Variants in MFSD11 observed in about 807,000 individuals in gnomAD.
MFSD11 encodes major facilitator superfamily domain containing 11.
Under a neutral mutation model 53.5 loss-of-function variants are expected in MFSD11, and 36 were observed. The ratio of observed to expected loss-of-function variants is 0.67; its 90% CI spans 0.52 to 0.89. The LOEUF (loss-of-function observed/expected upper bound fraction) is 0.89. Ranked by LOEUF, MFSD11 falls within the 40% of genes least tolerant of loss-of-function variation. The probability of loss-of-function intolerance (pLI) is 0.00; values close to 1 mark genes in which losing one functional copy is unlikely to be tolerated. For missense variants in MFSD11, 530 were observed against 543.9 expected, an observed-to-expected ratio of 0.97 and a Z score of 0.25; for synonymous variants, 186 against 184.9, an observed-to-expected ratio of 1.01 and a Z score of -0.05.
At chr17:76,803,568 G>C in the MFSD11 span, among the ~76,000 whole-genome samples, 1 of 151,952 alleles carries the variant, frequency 6.6e-6, no homozygotes, top group Non-Finnish European at 1.5e-5. Context: ...GGATCATCTG[G>C]CACCACCCAG....
At chr17:76,803,246 A>G in the MFSD11 span, among the ~76,000 whole-genome samples, 1 of 152,188 alleles carries the variant, frequency 6.6e-6, no homozygotes, top group Non-Finnish European at 1.5e-5. Context: ...GAGACAGTGA[A>G]AGAGATCTGA....
At chr17:76,745,708 C>G (rs1427976415) in intron 7 of MFSD11, among the ~76,000 whole-genome samples, 2 of 152,172 alleles carry the variant, frequency 1.3e-5, no homozygotes, top group Non-Finnish European at 2.9e-5. Context: ...TCCCTCTTCT[C>G]CTGAGACACA....
the MFSD11 span, among the ~76,000 whole-genome samples, chr17:76,795,598 G>A: frequency 1.3e-5 from 2 of 152,056 alleles, no homozygotes; most frequent in South Asian, 4.1e-4. Context: ...GGTATCTGAG[G>A]GATGACTGGG....
At chr17:76,769,957 C>T in intron 10 of MFSD11, 86 bp downstream of exon 10, 3 of 1,245,710 alleles carry the variant, frequency 2.4e-6, no homozygotes, top group South Asian at 2.9e-5. Context: ...CACCTTTGTC[C>T]TTGAATTTCT....
rs781229253 is a variant in MFSD11, at chr17:76,738,962, A to G, written c.121A>G (p.Arg41Gly). ...GCAAACTGTCATCAGGAGCTTAAAT[A>G]GGACAGATTTTCACGGCAGTGGATA... is the stretch of plus-strand genomic sequence containing the variant. ...VAQTVIRSLN[R>G]TDFHGSGYTS... The change falls in exon 2 of 13, where the codon AGG becomes GGG. Residue 41 changes from arginine (R) to glycine (G), a missense_variant. Coordinates refer to ENST00000685175, the MANE Select transcript of MFSD11 (RefSeq NM_001242532.5). 7 of 1,614,018 alleles carry G rather than the reference A, an allele frequency of 4.3e-6. No individual in the cohort carries two copies. The highest frequency in any genetic ancestry group is 5.9e-6 in the Non-Finnish European group (7 of 1,179,966).
chr17:76,743,625 T>C (rs149362312), intron 6 of MFSD11, among the ~76,000 whole-genome samples, 169 bp downstream of exon 6: 383 of 152,258 alleles, frequency 2.5e-3, no homozygotes, highest in Non-Finnish European at 3.0e-3. Flanking sequence ...ATATTATTAT[T>C]ATTATTTTGA....
At chr17:76,787,399 A>G in the MFSD11 span, among the ~76,000 whole-genome samples, 1 of 149,920 alleles carries the variant, frequency 6.7e-6, no homozygotes, top group Admixed American at 6.6e-5. Context: ...GGCCTCCCAA[A>G]GTGCTGGGAT....
the MFSD11 span, chr17:76,799,545 G>T: frequency 6.6e-6 from 1 of 151,860 alleles, no homozygotes; most frequent in Admixed American, 6.6e-5. Flanking sequence ...GGGATTACAG[G>T]TATGTGTCAC....
At chr17:76,759,891 G>A (rs2080042315) in intron 8 of MFSD11, among the ~76,000 whole-genome samples, 1 of 149,548 alleles carries the variant, frequency 6.7e-6, no homozygotes, top group Non-Finnish European at 1.5e-5. Flanking sequence ...TGGGATTACA[G>A]GCATAAGCCA....
intron 7 of MFSD11, among the ~76,000 whole-genome samples, chr17:76,750,929 A>G (rs971887682): frequency 6.7e-5 from 10 of 149,748 alleles, no homozygotes; most frequent in Non-Finnish European, 1.3e-4. Context: ...TCGGCCTCCC[A>G]AGTAGCTGGG....
upstream of MFSD11, chr17:76,737,005 C>T (rs770956483): frequency 1.2e-6 from 2 of 1,613,472 alleles, no homozygotes; most frequent in Admixed American, 3.3e-5. Context: ...CGCGGGACTC[C>T]TTGGTGTAGC....
At chr17:76,768,532 GT>G (rs2081080654) in intron 9 of MFSD11, among the ~76,000 whole-genome samples, 1 of 152,028 alleles carries the variant, frequency 6.6e-6, no homozygotes, top group Non-Finnish European at 1.5e-5. Flanking sequence ...CACAGTTAAG[GT>G]TTTGTAGCAT....
At chr17:76,739,495 T>C (rs948558367) in intron 2 of MFSD11, among the ~76,000 whole-genome samples, 1 of 152,192 alleles carries the variant, frequency 6.6e-6, no homozygotes, top group African/African-American at 2.4e-5. Context: ...CCTTCACAAG[T>C]CACTAGAACC....
chr17:76,738,268 A>T lies in MFSD11; in HGVS notation c.-85A>T, dbSNP rs748331121. 1.1e-6 allele frequency: 1 copy of T among 873,902 alleles called. No homozygotes were observed. The highest frequency in any genetic ancestry group is 1.9e-6 in the Non-Finnish European group (1 of 531,454). 54.1% of individuals were successfully genotyped at this position (873,902 alleles called of 1,614,324 possible). ...ATCTGCCTTCTCCACTCACCATCTC[A>T]TTTCTTTCTCCAGGATTGTCAGTGG... is the stretch of plus-strand genomic sequence containing the variant. On this transcript the variant is annotated 5_prime_UTR_variant, in exon 1 of 13. Coordinates refer to ENST00000685175, the MANE Select transcript of MFSD11 (RefSeq NM_001242532.5).
chr17:76,737,472 G>A, upstream of MFSD11: 4 of 356,964 alleles, frequency 1.1e-5, no homozygotes, highest in Non-Finnish European at 1.0e-5. Context: ...CCTACCCGAA[G>A]CGCCTGCGCA....
the MFSD11 span, among the ~76,000 whole-genome samples, chr17:76,793,951 A>G: frequency 2.6e-5 from 4 of 151,188 alleles, no homozygotes; most frequent in Non-Finnish European, 4.4e-5. Context: ...ACCACAAGCC[A>G]TAGAATCTAG....
chr17:76,752,315 A>T lies in MFSD11; in HGVS notation c.642-1732A>T, dbSNP rs77500468. On this transcript the variant is annotated intron_variant, in intron 7 of 12. Coordinates refer to ENST00000685175, the MANE Select transcript of MFSD11 (RefSeq NM_001242532.5). ...TCAATCTTGGTGGATGAATAAGAAAAATACGTTTTAAGCTTTGGAGCATGA... is the reference window on the plus strand; with the variant it reads ...TCAATCTTGGTGGATGAATAAGAAATATACGTTTTAAGCTTTGGAGCATGA... Among the ~76,000 whole-genome samples the T allele has an allele frequency of 8.3e-4, 126 of 152,294 alleles. No individual in the cohort carries two copies. The South Asian group carries it at 0.013, about 16-fold the overall frequency.
At chr17:76,752,510 T>C (rs1409962711) in intron 7 of MFSD11, among the ~76,000 whole-genome samples, 1 of 151,880 alleles carries the variant, frequency 6.6e-6, no homozygotes, top group Non-Finnish European at 1.5e-5. Context: ...CCTGAGTAGC[T>C]GGGATTACAG....
At chr17:76,747,994 G>C (rs1182866788) in intron 7 of MFSD11, 1 of 151,446 alleles carries the variant, frequency 6.6e-6, no homozygotes, top group African/African-American at 2.4e-5. Context: ...AGACAGATAA[G>C]TCCTTGTTCT....
Sources: allele counts gnomAD v4.1 joint callset (sites outside exome capture counted in the v4.1 genomes callset), GRCh38; gene constraint gnomAD v4.1.1; transcripts MANE v1.5; gene names NCBI Gene and HGNC (gene_info 2026-07-23, HGNC 2026-07-21).